The following TRERF1 variants were observed in gnomAD, a reference collection of about 807,000 sequenced individuals.
TRERF1 encodes the protein transcriptional regulating factor 1.
Under a neutral mutation model 122.9 loss-of-function variants are expected in TRERF1, and 27 were observed. That is an observed-to-expected ratio of 0.22 (90% CI 0.16 to 0.30). The LOEUF (loss-of-function observed/expected upper bound fraction) is 0.30. Ranked by LOEUF, TRERF1 falls within the 10% of genes least tolerant of loss-of-function variation. The pLI is 1.00. For missense variants in TRERF1, 1,248 were observed against 1,560.3 expected (o/e 0.80, Z 3.37); for synonymous variants, 636 against 641.7 (o/e 0.99, Z 0.13).
chr6:42,340,216 A>G (rs796306571), intron 3 of TRERF1, among the ~76,000 whole-genome samples: 2 of 151,996 alleles, frequency 1.3e-5, no homozygotes, highest in African/African-American at 4.8e-5. Context: ...AATGATTCAC[A>G]TTTTTTTTGT....
At position 42,427,113 on chromosome 6, in the gene TRERF1, AAGCTCGAGACC is replaced by A. The variant is rs1437824552; in HGVS notation, c.-454+24053_-454+24063del. Among the ~76,000 whole-genome samples the A allele has an allele frequency of 3.9e-5, 6 of 151,942 alleles. No individual in the cohort carries two copies. In the East Asian group the frequency reaches 9.8e-4, roughly 25 times the overall value. On this transcript the variant is annotated intron_variant, in intron 2 of 17. Coordinates refer to ENST00000372922, the Ensembl canonical transcript of TRERF1. The stretch of plus-strand genomic sequence containing the variant: ...AGATGGGAGGATCACTTGAGGCCAG[AAGCTCGAGACC>A]AGCCTGGTCCATGTAGCAAGAACCT...
chr6:42,333,413 TC>T (rs968624340), intron 3 of TRERF1, among the ~76,000 whole-genome samples: 3 of 152,204 alleles, frequency 2.0e-5, no homozygotes, highest in Admixed American at 2.0e-4. Flanking sequence ...AGGGGATGTT[TC>T]CCTTTGTTAT....
In TRERF1 at chr6:42,232,801, C is replaced by T. The variant is rs1208728352; in HGVS notation, c.3158G>A (p.Gly1053Glu). The T allele has an allele frequency of 6.2e-7, 1 of 1,613,278 alleles. No homozygotes were observed. The highest frequency in any genetic ancestry group is 8.5e-7 in the Non-Finnish European group (1 of 1,179,606). ...CTGGGTGCCACCAGGCTTCTGCTTC[C>T]CAGAGGGGATGGCACCTCGGGCCTT... Residue 1053 changes from glycine (G) to glutamate (E), a missense_variant, in exon 17 of 18, where the codon GGG becomes GAG. Physicochemically the swap from Gly to Glu is moderately conservative, Grantham distance 98. Around this residue, in one of 5 missense-constraint regions of TRERF1, gnomAD observed 159 missense variants for 221.7 expected, o/e 0.72. Transcript: ENST00000372922. This position sits in a 1 kb window ranked among gnomAD's most constrained non-coding sequence, Gnocchi z 4.5.
At chr6:42,411,409 G>C (rs976504555) in intron 2 of TRERF1, among the ~76,000 whole-genome samples, 2 of 152,174 alleles carry the variant, frequency 1.3e-5, no homozygotes, top group Admixed American at 6.5e-5. Flanking sequence ...CACTAACAAA[G>C]GGACAGGACA....
At chr6:42,245,074 G>A (rs1774517551) in intron 14 of TRERF1, among the ~76,000 whole-genome samples, 1 of 152,250 alleles carries the variant, frequency 6.6e-6, no homozygotes, top group Admixed American at 6.5e-5. Context: ...ACCTGAGGGA[G>A]TGAGGACAGT....
chr6:42,257,785 GGGA>G (rs1465610305), intron 10 of TRERF1, among the ~76,000 whole-genome samples: 1 of 152,216 alleles, frequency 6.6e-6, no homozygotes, highest in Non-Finnish European at 1.5e-5. Flanking sequence ...CCAAGAATTG[GGGA>G]GGAGGGAAGT....
intron 6 of TRERF1, 72 bp from the exon 7 acceptor site, chr6:42,264,926 C>T (rs1307906647): frequency 1.6e-5 from 24 of 1,533,026 alleles, no homozygotes; most frequent in Middle Eastern, 1.7e-4. Context: ...TGCCACAAGA[C>T]CTCATACCCA....
chr6:42,308,503 G>C (rs1463727296), intron 3 of TRERF1, among the ~76,000 whole-genome samples: 1 of 152,078 alleles, frequency 6.6e-6, no homozygotes, highest in Non-Finnish European at 1.5e-5. Flanking sequence ...TTCCTTCTGG[G>C]ATGACAAAAA....
intron 14 of TRERF1, among the ~76,000 whole-genome samples, chr6:42,243,627 C>T (rs180896168): frequency 2.5e-3 from 378 of 151,452 alleles, no homozygotes; most frequent in African/African-American, 8.8e-3. Context: ...GTCGCCCAGG[C>T]TGGAGTGCAG....
chr6:42,392,931 T>TACACACACACACACACACACAC (rs58784390), intron 2 of TRERF1, among the ~76,000 whole-genome samples: 30 of 147,996 alleles, frequency 2.0e-4, no homozygotes, highest in African/African-American at 7.1e-4. Context: ...TACACACACA[T>TACACACACACACACACACACAC]ACACACACAC....
chr6:42,283,740 C>A (rs980538786), intron 4 of TRERF1, among the ~76,000 whole-genome samples: 2 of 151,702 alleles, frequency 1.3e-5, no homozygotes, highest in African/African-American at 4.8e-5. Flanking sequence ...CCTCAGCCTC[C>A]CGAGTAGCTG....
In TRERF1 at chr6:42,269,114, G is replaced by A. The variant is rs1480441740; in HGVS notation, c.477C>T (p.Val159=). The A allele has an allele frequency of 1.9e-6, 3 of 1,614,092 alleles. No homozygotes were observed. The highest frequency in any genetic ancestry group is 2.5e-6 in the Non-Finnish European group (3 of 1,180,046). Residue 159 remains valine (V), a synonymous_variant, in exon 5 of 18, where the codon GTC becomes GTT. Coordinates refer to ENST00000372922, the Ensembl canonical transcript of TRERF1. The surrounding 1 kb of genome is among the most constrained non-coding windows in gnomAD (Gnocchi z 4.9). ...TGTGCAGCACCTGGGCCATATTGTTGACCTGAATTCGCAGGTTTTGGTTGG... is the reference window on the plus strand; with the variant it reads ...TGTGCAGCACCTGGGCCATATTGTTAACCTGAATTCGCAGGTTTTGGTTGG...
chr6:42,387,952 T>C (rs1777083136), intron 2 of TRERF1, among the ~76,000 whole-genome samples: 1 of 152,080 alleles, frequency 6.6e-6, no homozygotes, highest in Non-Finnish European at 1.5e-5. Flanking sequence ...GAATCACAGG[T>C]ACATGCCACC....
chr6:42,255,412 T>C (rs1776561372), intron 12 of TRERF1, among the ~76,000 whole-genome samples: 1 of 152,244 alleles, frequency 6.6e-6, no homozygotes, highest in Admixed American at 6.5e-5. Flanking sequence ...TCAGCCTCGG[T>C]AGCTTTTTAA....
intron 4 of TRERF1, among the ~76,000 whole-genome samples, chr6:42,297,639 C>T (rs1307740815): frequency 2.0e-5 from 3 of 152,208 alleles, no homozygotes; most frequent in African/African-American, 7.2e-5. Flanking sequence ...AGCTGGACTT[C>T]ACACAGGTTT....
In TRERF1 at chr6:42,229,157, A is replaced by G. The variant is rs185320570; in HGVS notation, c.3279-488T>C. Among the ~76,000 whole-genome samples the G allele has an allele frequency of 3.0e-3, 459 of 152,270 alleles. 1 individual carries two copies. The highest frequency in any genetic ancestry group is 9.5e-3 in the Admixed American group (145 of 15,298). ...TTGTTGTTGTTGTTGTTTTAAATAGAGACAGGGTGTCTCTCTATTGCCCAG... is the reference window on the plus strand; with the variant it reads ...TTGTTGTTGTTGTTGTTTTAAATAGGGACAGGGTGTCTCTCTATTGCCCAG... On this transcript the variant is annotated intron_variant, in intron 17 of 17. Transcript: ENST00000372922.
At position 42,254,835 on chromosome 6, in the gene TRERF1, G is replaced by A; in HGVS notation, c.2656+16C>T. 1 of 1,613,596 alleles carries A rather than the reference G, an allele frequency of 6.2e-7. No individual in the cohort carries two copies. Among genetic ancestry groups the A allele is most frequent in the Non-Finnish European group, 8.5e-7 (1 of 1,179,492 alleles). Reference sequence around the variant, plus strand: ...TCGTCAGGAGGCAACAGGACACAGGGCTCCTGGCAACCTACCGGCATAGTG... The same window carrying A: ...TCGTCAGGAGGCAACAGGACACAGGACTCCTGGCAACCTACCGGCATAGTG... On this transcript the variant is annotated intron_variant, in intron 13 of 17. Transcript: ENST00000372922.
intron 2 of TRERF1, among the ~76,000 whole-genome samples, chr6:42,394,253 A>G (rs1217942568): frequency 1.3e-5 from 2 of 151,792 alleles, no homozygotes; most frequent in Admixed American, 1.3e-4. Context: ...TCCCCCCACA[A>G]CACACTAACA....
chr6:42,442,355 A>G (rs889999017), intron 2 of TRERF1, among the ~76,000 whole-genome samples: 3 of 152,110 alleles, frequency 2.0e-5, no homozygotes, highest in Non-Finnish European at 4.4e-5. Flanking sequence ...CTGTAATGAC[A>G]AAGACCCCTA....
Sources: gnomAD v4.1 joint callset for allele counts (sites outside exome capture counted in the v4.1 genomes callset) on GRCh38, gnomAD v4.1.1 for gene constraint, gnomAD v4.1.1 regional missense constraint, Gnocchi (gnomAD v3.1) non-coding constraint, MANE v1.5 for transcripts, NCBI Gene and HGNC (gene_info 2026-07-23, HGNC 2026-07-21) for gene names.